OR14A16: variants seen among roughly 807,000 people sequenced by gnomAD.
The protein encoded by OR14A16 is olfactory receptor 14A16.
For synonymous variants in OR14A16, 135 were observed against 137.6 expected, an observed-to-expected ratio of 0.98 and a Z score of 0.13; for missense variants, 341 against 366.5, an observed-to-expected ratio of 0.93 and a Z score of 0.57.
intron 1 of OR14A16, among the ~76,000 whole-genome samples, chr1:247,819,435 T>G (rs925785159): frequency 6.6e-6 from 1 of 151,698 alleles, no homozygotes; most frequent in African/African-American, 2.4e-5. Context: ...ACAGAAAAAA[T>G]GGAGAGCAGG....
At position 247,815,345 on chromosome 1, in the gene OR14A16, G is replaced by A. The variant is rs1175425880; in HGVS notation, c.385C>T (p.His129Tyr). The change falls in exon 3 of 3, where the codon CAC becomes TAC. Residue 129 changes from histidine (H) to tyrosine (Y), a missense_variant. By Grantham distance (83) the His-to-Tyr change is moderately conservative. Transcript: ENST00000641093. ...CTCCTGTCCATGATGACATCATAGT[G>A]CAGAGGGTGACATATAGCAGTATAG... Reference protein sequence around the residue: ...DRYTAICHPLHYDVIMDRSTC... With the variant: ...DRYTAICHPLYYDVIMDRSTC... 1 of 1,613,990 alleles carries A rather than the reference G, an allele frequency of 6.2e-7. No individual in the cohort carries two copies. The highest frequency in any genetic ancestry group is 1.7e-5 in the Admixed American group (1 of 60,016).
rs1311385945 is a variant in OR14A16, at chr1:247,815,620, AG to A, written c.109del (p.Leu37Ter). 1 of 1,612,384 alleles carries A rather than the reference AG, an allele frequency of 6.2e-7. No homozygotes were observed. Among genetic ancestry groups the A allele is most frequent in the Admixed American group, 1.7e-5 (1 of 60,028 alleles). ...CATGATAATGAGGACATTCCCCATC[AG>A]GGCACACAAATAAATCAACAAGAAG... ...ILFLLIYLCA[L>X]MGNVLIIMIT... On this transcript the variant is annotated frameshift_variant, in exon 3 of 3. Transcript: ENST00000641093. LOFTEE classifies it low-confidence loss of function (END_TRUNC).
At chr1:247,817,477 T>C (rs1215053263) in intron 2 of OR14A16, among the ~76,000 whole-genome samples, 3 of 152,178 alleles carry the variant, frequency 2.0e-5, no homozygotes, top group African/African-American at 7.2e-5. Context: ...ATATTGTGAC[T>C]TCATCTTACA....
At chr1:247,823,030 A>AT in intron 1 of OR14A16, among the ~76,000 whole-genome samples, 1 of 152,310 alleles carries the variant, frequency 6.6e-6, no homozygotes, top group East Asian at 1.9e-4. Flanking sequence ...AAAGGACCCT[A>AT]TTGATTTGTA....
At position 247,814,893 on chromosome 1, in the gene OR14A16, G is replaced by A. The variant is rs1356563273; in HGVS notation, c.837C>T (p.Pro279=). ...AVISVFYTML[P]PTFNPIIYSL... ...TGTATATAATGGGATTAAAGGTTGG[G>A]GGCAGCATAGTGTAGAACACAGAAA... is the stretch of plus-strand genomic sequence containing the variant. Residue 279 remains proline, a synonymous_variant, in exon 3 of 3, where the codon CCC becomes CCT. Transcript: ENST00000641093. 6.2e-7 allele frequency: 1 copy of A among 1,613,898 alleles called. No homozygotes were observed. Among genetic ancestry groups the A allele is most frequent in the Admixed American group, 1.7e-5 (1 of 59,988 alleles).
Position 247,820,714 on chromosome 1 carries a change from C to T in OR14A16, c.-130-1537G>A, listed in dbSNP as rs577365545. Among the ~76,000 whole-genome samples the T allele has an allele frequency of 5.9e-3, 889 of 150,190 alleles. 9 individuals carry two copies. Among genetic ancestry groups the T allele is most frequent in the African/African-American group, 8.4e-3 (348 of 41,248 alleles). On this transcript the variant is annotated intron_variant, in intron 1 of 2. Transcript: ENST00000641093. ...CAAAAAAAAACCCCAAAAACAATTA[C>T]CCAAGCGTGGTGGTGCATGCCCGTA...
chr1:247,822,045 A>C (rs1056911774), intron 1 of OR14A16, among the ~76,000 whole-genome samples: 1 of 152,112 alleles, frequency 6.6e-6, no homozygotes, highest in African/African-American at 2.4e-5. Flanking sequence ...TCTCATTTTA[A>C]GTCTCTTATA....
intron 1 of OR14A16, among the ~76,000 whole-genome samples, chr1:247,821,474 A>T (rs1418830778): frequency 6.6e-6 from 1 of 152,186 alleles, no homozygotes; most frequent in Non-Finnish European, 1.5e-5. Flanking sequence ...CAATTGTTAT[A>T]TCTTCTTGAT....
Position 247,816,331 on chromosome 1 carries a change from A to G in OR14A16, c.-15-587T>C, listed in dbSNP as rs76224204. ...GTATTCTCACATTTGAAATTTTAATAAGAGATTGAACTAATGGTGCTTTTT... is the reference window on the plus strand; with the variant it reads ...GTATTCTCACATTTGAAATTTTAATGAGAGATTGAACTAATGGTGCTTTTT... On this transcript the variant is annotated intron_variant, in intron 2 of 2. Coordinates refer to ENST00000641093, the MANE Select transcript of OR14A16 (RefSeq NM_001001966.2). Among the ~76,000 whole-genome samples the G allele has an allele frequency of 8.6e-3, 1,305 of 152,380 alleles. 25 individuals carry two copies. The highest frequency in any genetic ancestry group is 0.029 in the African/African-American group (1,221 of 41,592).
In OR14A16 at chr1:247,814,788, A is replaced by C; in HGVS notation, c.*12T>G. 1 of 1,495,692 alleles carries C rather than the reference A, an allele frequency of 6.7e-7. No homozygotes were observed. The highest frequency in any genetic ancestry group is 9.0e-7 in the Non-Finnish European group (1 of 1,115,914). The allele number at this position is 1,495,692 out of a possible 1,614,324, so 92.7% of individuals were successfully genotyped here. A position where few individuals can be genotyped will look rare whatever the true frequency, so the allele number is the denominator to read the frequency against. Reference sequence around the variant, plus strand: ...ATGGTATCTATTATTGAAAGAAGAAAAGCAACAGCTTTTACTTTTTGGTGA... The same window carrying C: ...ATGGTATCTATTATTGAAAGAAGAACAGCAACAGCTTTTACTTTTTGGTGA... On this transcript the variant is annotated 3_prime_UTR_variant, in exon 3 of 3. Transcript: ENST00000641093.
intron 1 of OR14A16, among the ~76,000 whole-genome samples, chr1:247,821,019 G>A (rs1228004765): frequency 6.6e-6 from 1 of 151,730 alleles, no homozygotes; most frequent in Non-Finnish European, 1.5e-5. Context: ...TTTCTTCTTT[G>A]AACCATTAGT....
Position 247,815,009 on chromosome 1 carries a change from GA to G in OR14A16, c.720del (p.Pro241HisfsTer17). 6.2e-7 allele frequency: 1 copy of G among 1,613,944 alleles called. No individual in the cohort carries two copies. Among genetic ancestry groups the G allele is most frequent in the Middle Eastern group, 1.6e-4 (1 of 6,062 alleles). ...EGQSKAYSIC[L>X]PHLLVVLFLS... ...AGAAATAACACAACCAGCAAGTGTG[GA>G]AGGCAAATAGAGTAGGCTTTTGACT... On this transcript the variant is annotated frameshift_variant, in exon 3 of 3. Transcript: ENST00000641093. LOFTEE classifies it low-confidence loss of function (END_TRUNC).
Position 247,815,235 on chromosome 1 carries a change from G to A in OR14A16, c.495C>T (p.Ser165=). ...GATGGACCATGTTGGACCCACAGTA[G>A]GATAAGGAGAAGGTGCCAGCTGTGT... The part of the protein sequence containing the change: ...VMHTAGTFSL[S]YCGSNMVHQF... The change falls in exon 3 of 3, where the codon TCC becomes TCT. Residue 165 remains serine (S), a synonymous_variant. Transcript: ENST00000641093. 2.0e-6 allele frequency: 3 copies of A among 1,523,812 alleles called. No homozygotes were observed. Among genetic ancestry groups the A allele is most frequent in the Non-Finnish European group, 2.7e-6 (3 of 1,127,622 alleles). 94.4% of individuals were successfully genotyped at this position (1,523,812 alleles called of 1,614,324 possible). A position where few individuals can be genotyped will look rare whatever the true frequency, so the allele number is the denominator to read the frequency against.
intron 2 of OR14A16, among the ~76,000 whole-genome samples, chr1:247,818,672 A>G (rs1662671684): frequency 6.6e-6 from 1 of 152,204 alleles, no homozygotes; most frequent in South Asian, 2.1e-4. Context: ...GAATTCATGA[A>G]GATAGAGAGT....
In OR14A16 at chr1:247,815,027, C is replaced by A. The variant is rs1231517716; in HGVS notation, c.703G>T (p.Ala235Ser). Residue 235 changes from alanine (A) to serine (S), a missense_variant, in exon 3 of 3, where the codon GCC becomes TCC. Physicochemically the swap from Ala to Ser is moderately conservative, Grantham distance 99. Coordinates refer to ENST00000641093, the MANE Select transcript of OR14A16 (RefSeq NM_001001966.2). ...KIPSTEGQSK[A>S]YSICLPHLLV... ...AAGTGTGGAAGGCAAATAGAGTAGG[C>A]TTTTGACTGGCCTTCTGTGGAAGGG... The A allele has an allele frequency of 3.1e-6, 5 of 1,613,446 alleles. No individual in the cohort carries two copies. In the Admixed American group the frequency reaches 8.3e-5, roughly 27 times the overall value.
intron 1 of OR14A16, among the ~76,000 whole-genome samples, chr1:247,820,487 A>G (rs1572541609): frequency 6.6e-6 from 1 of 151,628 alleles, no homozygotes; most frequent in African/African-American, 2.4e-5. Context: ...CCTTTCTCCT[A>G]CTAATTTTTG....
chr1:247,814,947 T>C lies in OR14A16; in HGVS notation c.783A>G (p.Ser261=), dbSNP rs1256027274. The change falls in exon 3 of 3, where the codon TCA becomes TCG. Residue 261 remains serine (S), a synonymous_variant. Transcript: ENST00000641093. Reference sequence around the variant, plus strand: ...CAGCATCCAAAATAGAAGGAGACTCTGAAGCTGGCTTCAGATAAGCAATGA... The same window carrying C: ...CAGCATCCAAAATAGAAGGAGACTCCGAAGCTGGCTTCAGATAAGCAATGA... The part of the protein sequence containing the change: ...TGFIAYLKPA[S]ESPSILDAVI... 1.2e-6 allele frequency: 2 copies of C among 1,613,896 alleles called. No individual in the cohort carries two copies. The highest frequency in any genetic ancestry group is 2.7e-5 in the African/African-American group (2 of 74,902).
chr1:247,816,715 C>T (rs1322102968), intron 2 of OR14A16, among the ~76,000 whole-genome samples: 4 of 152,274 alleles, frequency 2.6e-5, no homozygotes, highest in South Asian at 2.1e-4. Context: ...GGCAACAGAG[C>T]GAGGCTCTGT....
At chr1:247,822,425 G>T (rs1488566424) in intron 1 of OR14A16, among the ~76,000 whole-genome samples, 1 of 151,658 alleles carries the variant, frequency 6.6e-6, no homozygotes, top group South Asian at 2.1e-4. Context: ...CTCCTCCTCT[G>T]GCCCTCAGAC....
Sources: gnomAD v4.1 joint callset for allele counts (sites outside exome capture counted in the v4.1 genomes callset) on GRCh38, gnomAD v4.1.1 for gene constraint, MANE v1.5 for transcripts, NCBI Gene and HGNC (gene_info 2026-07-23, HGNC 2026-07-21) for gene names.